Variants in CNBD1 observed in about 807,000 individuals in gnomAD.
CNBD1 encodes the protein cyclic nucleotide-binding domain-containing protein 1.
Under a neutral mutation model 54.4 loss-of-function variants are expected in CNBD1, and 71 were observed. That is an observed-to-expected ratio of 1.30 (90% CI 1.08 to 1.59). The LOEUF (loss-of-function observed/expected upper bound fraction) is 1.59. Among genes scored for constraint, CNBD1 ranks in the 40% most tolerant of loss-of-function variants. CNBD1 has a pLI of 0.00. For missense variants in CNBD1, 659 were observed against 518.0 expected (o/e 1.27, Z -2.64); for synonymous variants, 182 against 170.7 (o/e 1.07, Z -0.51).
intron 5 of CNBD1, among the ~76,000 whole-genome samples, chr8:87,211,495 T>A (rs763595823): frequency 1.3e-5 from 2 of 152,152 alleles, no homozygotes; most frequent in Non-Finnish European, 2.9e-5. Flanking sequence ...GTGTTGGAGA[T>A]GTGGCCTTGT....
intron 6 of CNBD1, among the ~76,000 whole-genome samples, chr8:87,263,050 C>T (rs533580280): frequency 1.3e-5 from 2 of 152,134 alleles, no homozygotes; most frequent in East Asian, 1.9e-4. Flanking sequence ...GGAGAGACTT[C>T]CTAGGGTTAG....
intron 4 of CNBD1, among the ~76,000 whole-genome samples, chr8:86,997,798 C>A (rs555165850): frequency 1.3e-4 from 20 of 151,994 alleles, no homozygotes; most frequent in Admixed American, 1.1e-3. Context: ...TCCTTCAGAC[C>A]CAGCGGGTGG....
chr8:87,348,482 C>G (rs1296879420), intron 8 of CNBD1, among the ~76,000 whole-genome samples: 3 of 152,024 alleles, frequency 2.0e-5, no homozygotes, highest in Non-Finnish European at 4.4e-5. Context: ...AAATAAAGTT[C>G]AAAGATAACA....
chr8:86,992,482 T>G (rs1197679197), intron 4 of CNBD1, among the ~76,000 whole-genome samples: 1 of 152,146 alleles, frequency 6.6e-6, no homozygotes, highest in Admixed American at 6.6e-5. Flanking sequence ...GAGTTAGTAT[T>G]GATATACGAA....
Position 86,957,498 on chromosome 8 carries a change from A to T in CNBD1, c.431+17744A>T, listed in dbSNP as rs191603283. On this transcript the variant is annotated intron_variant, in intron 4 of 10. Transcript: ENST00000518476. Reference sequence around the variant, plus strand: ...TTGGTAGGCTATTAATTATTGCCTCAATTTCAGATCCTGTTATTGGTCTAT... The same window carrying T: ...TTGGTAGGCTATTAATTATTGCCTCTATTTCAGATCCTGTTATTGGTCTAT... 2.6e-3 allele frequency among the ~76,000 whole-genome samples: 395 copies of T among 152,230 alleles called. 5 individuals are homozygous for T. The highest frequency in any genetic ancestry group is 7.4e-4 in the Non-Finnish European group (50 of 68,012).
chr8:87,258,280 T>G (rs1337252376), intron 6 of CNBD1, among the ~76,000 whole-genome samples: 1 of 151,756 alleles, frequency 6.6e-6, no homozygotes, highest in African/African-American at 2.4e-5. Flanking sequence ...AAATGATGAC[T>G]CAAAAATTTT....
At chr8:87,131,485 A>G (rs1730835669) in intron 4 of CNBD1, among the ~76,000 whole-genome samples, 1 of 152,124 alleles carries the variant, frequency 6.6e-6, no homozygotes, top group Non-Finnish European at 1.5e-5. Flanking sequence ...CATATATAGT[A>G]CATCTATACA....
chr8:87,150,525 G>T (rs1812582202), intron 4 of CNBD1, among the ~76,000 whole-genome samples: 1 of 152,276 alleles, frequency 6.6e-6, no homozygotes, highest in East Asian at 1.9e-4. Context: ...TTTATTTAAA[G>T]ATTTTGTCAA....
At chr8:87,178,787 A>C (rs1203858747) in intron 4 of CNBD1, among the ~76,000 whole-genome samples, 1 of 152,232 alleles carries the variant, frequency 6.6e-6, no homozygotes, top group Non-Finnish European at 1.5e-5. Flanking sequence ...CAGAATACAC[A>C]GGGCTTTCAC....
chr8:87,406,950 G>T (rs1375092483), intron 2 of CNBD1, among the ~76,000 whole-genome samples: 1 of 152,022 alleles, frequency 6.6e-6, no homozygotes, highest in Non-Finnish European at 1.5e-5. Context: ...TCTGGAGGAA[G>T]TTATCCTTTA....
At chr8:87,310,958 A>C (rs1809251365) in intron 8 of CNBD1, among the ~76,000 whole-genome samples, 1 of 152,178 alleles carries the variant, frequency 6.6e-6, no homozygotes, top group African/African-American at 2.4e-5. Context: ...GTCGAGATGG[A>C]GAGAAGACTG....
intron 8 of CNBD1, among the ~76,000 whole-genome samples, chr8:87,349,018 TTAAA>T (rs1175852435): frequency 6.6e-6 from 1 of 152,190 alleles, no homozygotes; most frequent in East Asian, 1.9e-4. Flanking sequence ...ATAAGGGTCT[TTAAA>T]TATTACTTTT....
intron 3 of CNBD1, among the ~76,000 whole-genome samples, chr8:86,908,293 A>G (rs1031336964): frequency 9.8e-5 from 15 of 152,352 alleles, no homozygotes; most frequent in African/African-American, 3.4e-4. Flanking sequence ...TATTTTATTC[A>G]TGGATTGATA....
chr8:87,261,518 T>C (rs1808139440), intron 6 of CNBD1, among the ~76,000 whole-genome samples: 1 of 138,450 alleles, frequency 7.2e-6, no homozygotes, highest in African/African-American at 2.8e-5. Context: ...GGAAGAAGTT[T>C]TATTTATAGA....
At chr8:87,320,889 G>T (rs1257020038) in intron 8 of CNBD1, among the ~76,000 whole-genome samples, 1 of 151,860 alleles carries the variant, frequency 6.6e-6, no homozygotes. Context: ...TGCAGCCCCT[G>T]GCAAACAACA....
At chr8:87,109,848 T>C (rs1811623774) in intron 4 of CNBD1, among the ~76,000 whole-genome samples, 1 of 152,058 alleles carries the variant, frequency 6.6e-6, no homozygotes, top group Non-Finnish European at 1.5e-5. Context: ...AAGTCAGAGT[T>C]TTTTGTACAC....
chr8:87,398,731 A>C (rs773820204), intron 2 of CNBD1, among the ~76,000 whole-genome samples: 38 of 152,134 alleles, frequency 2.5e-4, no homozygotes, highest in South Asian at 6.2e-4. Context: ...TAAATTCACC[A>C]TGCCTCCCAT....
At chr8:86,961,560 G>A (rs1807929621) in intron 4 of CNBD1, among the ~76,000 whole-genome samples, 1 of 152,234 alleles carries the variant, frequency 6.6e-6, no homozygotes, top group Non-Finnish European at 1.5e-5. Flanking sequence ...CAGAACCTCT[G>A]CCAAGGGCAT....
intron 4 of CNBD1, among the ~76,000 whole-genome samples, chr8:87,118,242 G>A (rs1027054045): frequency 6.7e-6 from 1 of 149,246 alleles, no homozygotes; most frequent in South Asian, 2.1e-4. Context: ...TTGAACTCAG[G>A]AGGCGGAGGT....
Sources: gnomAD v4.1 joint callset for allele counts (sites outside exome capture counted in the v4.1 genomes callset) on GRCh38, gnomAD v4.1.1 for gene constraint, MANE v1.5 for transcripts, NCBI Gene and HGNC (gene_info 2026-07-23, HGNC 2026-07-21) for gene names.